Variants in ATP8A2 observed in about 807,000 individuals in gnomAD.
The protein encoded by ATP8A2 is ATPase phospholipid transporting 8A2, also known as phospholipid-transporting ATPase IB.
ATP8A2 carries 100 observed loss-of-function variants against 165.6 expected under a neutral mutation model. The observed-to-expected ratio is 0.60, with a 90% confidence interval of 0.51 to 0.71. The LOEUF is 0.71. Among genes scored for constraint, ATP8A2 ranks in the 30% least tolerant of loss-of-function variants. The pLI is 0.00. For synonymous variants in ATP8A2, 543 were observed against 548.8 expected, an observed-to-expected ratio of 0.99 and a Z score of 0.15; for missense variants, 1,227 against 1,479.5, an observed-to-expected ratio of 0.83 and a Z score of 2.80.
chr13:25,634,363 T>G (rs1000371149), intron 24 of ATP8A2, among the ~76,000 whole-genome samples: 1 of 152,222 alleles, frequency 6.6e-6, no homozygotes, highest in African/African-American at 2.4e-5. Context: ...TAATTCTAAA[T>G]ACTAGCCTTT....
At chr13:25,731,830 T>A (rs2138093710) in intron 25 of ATP8A2, among the ~76,000 whole-genome samples, 1 of 152,362 alleles carries the variant, frequency 6.6e-6, no homozygotes, top group African/African-American at 2.4e-5. Context: ...CAGAACTTGT[T>A]CTTTTTAAGC....
At chr13:25,542,082 A>G (rs2038496851) in intron 9 of ATP8A2, 36 bp downstream of exon 9, 4 of 1,591,172 alleles carry the variant, frequency 2.5e-6, no homozygotes, top group South Asian at 2.2e-5. Flanking sequence ...CTTTTAAACT[A>G]TGTGACTAAG....
At chr13:25,506,630 C>T (rs2037045934) in intron 2 of ATP8A2, among the ~76,000 whole-genome samples, 1 of 152,194 alleles carries the variant, frequency 6.6e-6, no homozygotes, top group African/African-American at 2.4e-5. Context: ...GATCGAGGTG[C>T]CCAGTTCTCT....
chr13:25,703,367 T>C (rs940635857), intron 25 of ATP8A2, among the ~76,000 whole-genome samples: 2 of 152,176 alleles, frequency 1.3e-5, no homozygotes, highest in Non-Finnish European at 2.9e-5. Flanking sequence ...CATGAGCCAC[T>C]GCACCTGGCT....
chr13:25,377,020 G>A (rs1218084084), intron 1 of ATP8A2, among the ~76,000 whole-genome samples: 1 of 152,276 alleles, frequency 6.6e-6, no homozygotes, highest in African/African-American at 2.4e-5. Flanking sequence ...GCACCTCTGC[G>A]GACGCCTTCC....
rs1178818921 is a variant in ATP8A2, at chr13:25,535,771, C to T, written c.508-2217C>T. Among the ~76,000 whole-genome samples the T allele has an allele frequency of 2.0e-5, 3 of 151,976 alleles. No individual in the cohort carries two copies. The East Asian group carries it at 5.8e-4, about 29-fold the overall frequency. On this transcript the variant is annotated intron_variant, in intron 6 of 36. Coordinates refer to ENST00000381655, the MANE Select transcript of ATP8A2 (RefSeq NM_016529.6). ...TGGAGGTTGCAGTGAGCCTTGATCGCACCACTGCACTCTAGCCTGGGTGAC... is the reference window on the plus strand; with the variant it reads ...TGGAGGTTGCAGTGAGCCTTGATCGTACCACTGCACTCTAGCCTGGGTGAC...
intron 27 of ATP8A2, among the ~76,000 whole-genome samples, chr13:25,824,778 T>C (rs1250174844): frequency 6.6e-6 from 1 of 152,164 alleles, no homozygotes; most frequent in African/African-American, 2.4e-5. Flanking sequence ...GTCATTTATA[T>C]TTTCTATACT....
chr13:25,727,385 G>A (rs1172944066), intron 25 of ATP8A2, among the ~76,000 whole-genome samples: 2 of 152,094 alleles, frequency 1.3e-5, no homozygotes, highest in Non-Finnish European at 1.5e-5. Flanking sequence ...TTTTGGCAAC[G>A]TTACTATTTG....
intron 27 of ATP8A2, among the ~76,000 whole-genome samples, chr13:25,807,654 G>C (rs868800147): frequency 6.6e-6 from 1 of 152,176 alleles, no homozygotes; most frequent in Non-Finnish European, 1.5e-5. Context: ...GAATGGAAAA[G>C]TATCTTTAAT....
At chr13:25,440,914 A>G (rs991010927) in intron 1 of ATP8A2, among the ~76,000 whole-genome samples, 2 of 152,190 alleles carry the variant, frequency 1.3e-5, no homozygotes, top group African/African-American at 2.4e-5. Context: ...TTTTGCATTC[A>G]AATTATTTAG....
At chr13:25,986,803 G>A (rs1566328994) in intron 35 of ATP8A2, among the ~76,000 whole-genome samples, 2 of 152,026 alleles carry the variant, frequency 1.3e-5, no homozygotes, top group Non-Finnish European at 1.5e-5. Flanking sequence ...TTCCATAATG[G>A]CTACACCATT....
intron 15 of ATP8A2, among the ~76,000 whole-genome samples, chr13:25,560,802 C>G (rs982543762): frequency 6.6e-6 from 1 of 151,934 alleles, no homozygotes; most frequent in Admixed American, 6.6e-5. Context: ...CTTGCTCCAC[C>G]CCCTTTGGAA....
At chr13:25,475,859 G>A (rs1015252526) in intron 2 of ATP8A2, among the ~76,000 whole-genome samples, 3 of 152,066 alleles carry the variant, frequency 2.0e-5, no homozygotes, top group African/African-American at 4.8e-5. Context: ...TTTTTAATGT[G>A]GTTGTTAGTA....
intron 30 of ATP8A2, among the ~76,000 whole-genome samples, chr13:25,844,091 G>A (rs1249549208): frequency 5.9e-5 from 9 of 152,158 alleles, no homozygotes; most frequent in African/African-American, 2.2e-4. Flanking sequence ...AGTGGGACTG[G>A]GGGTGGCAGG....
chr13:25,686,980 C>T (rs925685674), intron 24 of ATP8A2, among the ~76,000 whole-genome samples: 1 of 152,130 alleles, frequency 6.6e-6, no homozygotes. Flanking sequence ...TTCCTGTAGT[C>T]GATGTTTCAT....
At chr13:25,541,861 T>C in intron 8 of ATP8A2, 58 bp from the exon 9 acceptor site, 1 of 1,590,656 alleles carries the variant, frequency 6.3e-7, no homozygotes, top group Non-Finnish European at 8.6e-7. Context: ...GGATGCTGAA[T>C]GGTGTCCCTA....
chr13:25,559,228 C>A (rs751713893), intron 14 of ATP8A2, among the ~76,000 whole-genome samples, 167 bp downstream of exon 14: 1 of 152,144 alleles, frequency 6.6e-6, no homozygotes, highest in Non-Finnish European at 1.5e-5. Context: ...AAACTCTGAA[C>A]AGTTAAAACA....
chr13:25,928,551 A>C (rs1954676672), intron 33 of ATP8A2, among the ~76,000 whole-genome samples: 1 of 152,238 alleles, frequency 6.6e-6, no homozygotes, highest in African/African-American at 2.4e-5. Flanking sequence ...TTAAAGAGAA[A>C]GAAAATGATT....
chr13:25,446,909 G>A (rs2035084593), intron 1 of ATP8A2, among the ~76,000 whole-genome samples: 1 of 152,108 alleles, frequency 6.6e-6, no homozygotes, highest in African/African-American at 2.4e-5. Flanking sequence ...AGGCTGGAGT[G>A]CAATGGCGCA....
Sources: allele counts gnomAD v4.1 joint callset (sites outside exome capture counted in the v4.1 genomes callset), GRCh38; gene constraint gnomAD v4.1.1; transcripts MANE v1.5; gene names NCBI Gene and HGNC (gene_info 2026-07-23, HGNC 2026-07-21).